Variants in GPLD1 observed in about 807,000 individuals in gnomAD.
The protein encoded by GPLD1 is glycosylphosphatidylinositol specific phospholipase D1.
In GPLD1, 84 loss-of-function variants were observed where a neutral mutation model predicts 112.6. The ratio of observed to expected loss-of-function variants is 0.75; its 90% CI spans 0.63 to 0.89. GPLD1 has a LOEUF of 0.89. GPLD1 is among the 40% of genes least tolerant of loss of function. GPLD1 has a pLI of 0.00. For missense variants in GPLD1, 1,044 were observed against 1,051.5 expected, an observed-to-expected ratio of 0.99 and a Z score of 0.10; for synonymous variants, 386 against 403.8, an observed-to-expected ratio of 0.96 and a Z score of 0.53.
intron 20 of GPLD1, among the ~76,000 whole-genome samples, chr6:24,444,787 T>C (rs939790170): frequency 8.5e-5 from 13 of 152,166 alleles, no homozygotes; most frequent in Admixed American, 6.5e-4. Context: ...AGGTCAAGGC[T>C]GCCATAAGCC....
intron 20 of GPLD1, among the ~76,000 whole-genome samples, chr6:24,440,916 A>G (rs756653634): frequency 5.9e-5 from 9 of 152,138 alleles, no homozygotes; most frequent in Non-Finnish European, 1.0e-4. Flanking sequence ...TTACTACTAT[A>G]AACAATACAG....
chr6:24,466,545 A>C, intron 10 of GPLD1, 135 bp downstream of exon 10: 1 of 659,542 alleles, frequency 1.5e-6, no homozygotes, highest in Non-Finnish European at 2.6e-6. Flanking sequence ...CCCTCTTTGA[A>C]TAGGTTAGAA....
chr6:24,440,975 A>T (rs1230288629), intron 20 of GPLD1, among the ~76,000 whole-genome samples: 1 of 152,092 alleles, frequency 6.6e-6, no homozygotes, highest in Non-Finnish European at 1.5e-5. Context: ...TCTCACAGAT[A>T]CCAAAATCCA....
intron 12 of GPLD1, among the ~76,000 whole-genome samples, chr6:24,458,263 C>T (rs1763329084): frequency 6.6e-6 from 1 of 152,132 alleles, no homozygotes; most frequent in Non-Finnish European, 1.5e-5. Flanking sequence ...GAGGATCTTT[C>T]AGGCACGAGT....
chr6:24,489,281 CCTG>C, intron 1 of GPLD1, 131 bp downstream of exon 1: 1 of 650,728 alleles, frequency 1.5e-6, no homozygotes, highest in Non-Finnish European at 2.7e-6. Context: ...GCTTCTCCTC[CCTG>C]CTGTCAGGCC....
At chr6:24,433,075 C>T (rs1376935486) in intron 24 of GPLD1, 112 bp downstream of exon 24, 11 of 801,188 alleles carry the variant, frequency 1.4e-5, no homozygotes. Context: ...TCTGTGTGTT[C>T]CTCTCCTTTT....
At chr6:24,487,822 G>T (rs993001595) in intron 1 of GPLD1, among the ~76,000 whole-genome samples, 1 of 152,062 alleles carries the variant, frequency 6.6e-6, no homozygotes, top group African/African-American at 2.4e-5. Context: ...TGGAAAGAAC[G>T]CCGGACCAGC....
At chr6:24,453,388 C>T (rs974700575) in intron 14 of GPLD1, among the ~76,000 whole-genome samples, 5 of 152,200 alleles carry the variant, frequency 3.3e-5, no homozygotes, top group Admixed American at 3.3e-4. Context: ...GTAATCCCAG[C>T]ACTTTGGGAG....
At chr6:24,444,866 T>C (rs1762856653) in intron 20 of GPLD1, among the ~76,000 whole-genome samples, 1 of 152,018 alleles carries the variant, frequency 6.6e-6, no homozygotes, top group Non-Finnish European at 1.5e-5. Flanking sequence ...AAATAAAAGA[T>C]AGGTCCTCAT....
chr6:24,436,455 G>A, intron 22 of GPLD1, 121 bp downstream of exon 22: 1 of 775,980 alleles, frequency 1.3e-6, no homozygotes. Flanking sequence ...GACAGATGAT[G>A]GTGTCCTGAC....
chr6:24,453,373 C>CGTGA (rs1763155547), intron 14 of GPLD1, among the ~76,000 whole-genome samples: 1 of 152,206 alleles, frequency 6.6e-6, no homozygotes, highest in Admixed American at 6.5e-5. Context: ...CAGTGGCTCA[C>CGTGA]GCCTGTAATC....
chr6:24,451,562 T>C (rs1763088197), intron 14 of GPLD1, among the ~76,000 whole-genome samples: 1 of 152,112 alleles, frequency 6.6e-6, no homozygotes, highest in Non-Finnish European at 1.5e-5. Context: ...GGTCTTGATC[T>C]CTTGACCTCA....
intron 11 of GPLD1, among the ~76,000 whole-genome samples, chr6:24,462,209 T>C (rs962441518): frequency 1.3e-5 from 2 of 152,174 alleles, no homozygotes; most frequent in African/African-American, 4.8e-5. Context: ...CTCAGCTCAC[T>C]GCAGCCTCGA....
In GPLD1 at chr6:24,462,328, TCTCA is replaced by T. The variant is rs375213553; in HGVS notation, c.887+398_887+401del. On this transcript the variant is annotated intron_variant, in intron 11 of 24. Coordinates refer to ENST00000230036, the MANE Select transcript of GPLD1 (RefSeq NM_001503.4). ...TGTTCATTTTTTGTAGATATAGGGG[TCTCA>T]CTATGTTGCTGAGGCTGGTCCTGAA... 3.3e-5 allele frequency among the ~76,000 whole-genome samples: 5 copies of T among 151,984 alleles called. 1 individual carries two copies. The highest frequency in any genetic ancestry group is 1.2e-4 in the African/African-American group (5 of 41,430).
Position 24,449,900 on chromosome 6 carries a change from C to T in GPLD1, c.1336-1G>A, listed in dbSNP as rs773791442. The T allele has an allele frequency of 1.9e-6, 3 of 1,608,438 alleles. No individual in the cohort carries two copies. Among genetic ancestry groups the T allele is most frequent in the Non-Finnish European group, 2.6e-6 (3 of 1,175,482 alleles). ...AGGCCGAGCCAAACCGACCTGAGGG[C>T]TGAAGAGGCACAAGTTTACTTCCCC... On this transcript the variant is annotated splice_acceptor_variant, in intron 14 of 24. Transcript: ENST00000230036. LOFTEE classifies it high-confidence loss of function.
intron 7 of GPLD1, among the ~76,000 whole-genome samples, chr6:24,472,058 G>T (rs1763842764): frequency 6.6e-6 from 1 of 152,178 alleles, no homozygotes; most frequent in Non-Finnish European, 1.5e-5. Flanking sequence ...ACTGACAAGA[G>T]AGTAGAAGCC....
At chr6:24,449,980 G>T in intron 14 of GPLD1, 81 bp from the exon 15 acceptor site, 1 of 965,632 alleles carries the variant, frequency 1.0e-6, no homozygotes, top group Admixed American at 2.3e-5. Context: ...GAGTAGAGAG[G>T]CCTGGGACAA....
At position 24,447,697 on chromosome 6, in the gene GPLD1, T is replaced by C. The variant is rs181214516; in HGVS notation, c.1678+180A>G. On this transcript the variant is annotated intron_variant, in intron 17 of 24. Transcript: ENST00000230036. Reference sequence around the variant, plus strand: ...TACCTAGAAACTGTGGGTCACCTTTTGTATTTTCAGTGAATCTATGCACAT... The same window carrying C: ...TACCTAGAAACTGTGGGTCACCTTTCGTATTTTCAGTGAATCTATGCACAT... Among the ~76,000 whole-genome samples, 3 of 152,330 alleles carry C rather than the reference T, an allele frequency of 2.0e-5. No individual in the cohort carries two copies. In the East Asian group the frequency reaches 5.8e-4, roughly 29 times the overall value.
chr6:24,484,400 G>A (rs1361070630), intron 2 of GPLD1, among the ~76,000 whole-genome samples: 6 of 151,784 alleles, frequency 4.0e-5, no homozygotes. Context: ...ATTTTTAGTG[G>A]CGACAAGGTT....
Sources: allele counts gnomAD v4.1 joint callset (sites outside exome capture counted in the v4.1 genomes callset), GRCh38; gene constraint gnomAD v4.1.1; transcripts MANE v1.5; gene names NCBI Gene and HGNC (gene_info 2026-07-23, HGNC 2026-07-21).